Variants in PNPLA7 observed in about 807,000 individuals in gnomAD.
PNPLA7 encodes the protein patatin-like phospholipase domain-containing protein 7.
Under a neutral mutation model 161.7 loss-of-function variants are expected in PNPLA7, and 153 were observed. That is an observed-to-expected ratio of 0.95 (90% CI 0.83 to 1.08). PNPLA7 has a LOEUF of 1.08. Among genes scored for constraint, PNPLA7 ranks in the 50% least tolerant of loss-of-function variants. PNPLA7 has a pLI of 0.00. For synonymous variants in PNPLA7, 809 were observed against 782.1 expected, an observed-to-expected ratio of 1.03 and a Z score of -0.57; for missense variants, 1,739 against 1,856.6, an observed-to-expected ratio of 0.94 and a Z score of 1.16.
intron 17 of PNPLA7, 127 bp from the exon 18 acceptor site, chr9:137,497,437 G>T: frequency 2.1e-6 from 2 of 940,610 alleles, no homozygotes; most frequent in East Asian, 3.3e-5. Context: ...TCTTATTTTT[G>T]TTTTGGAAAA....
chr9:137,525,743 C>A (rs1030830273), intron 8 of PNPLA7, among the ~76,000 whole-genome samples: 1 of 145,976 alleles, frequency 6.9e-6, no homozygotes, highest in Non-Finnish European at 1.5e-5. Context: ...TGGCTGCGGG[C>A]GGGCTTGACT....
intron 11 of PNPLA7, among the ~76,000 whole-genome samples, chr9:137,519,427 C>T (rs1042349487): frequency 6.6e-6 from 1 of 152,186 alleles, no homozygotes; most frequent in African/African-American, 2.4e-5. Context: ...ATTCTGGGAA[C>T]AACTGAAGAA....
At chr9:137,507,243 G>C (rs1833974319) in intron 12 of PNPLA7, among the ~76,000 whole-genome samples, 1 of 152,220 alleles carries the variant, frequency 6.6e-6, no homozygotes, top group Admixed American at 6.5e-5. Flanking sequence ...AGCAATCTAT[G>C]GCAACAAAGG....
In PNPLA7 at chr9:137,476,518, A is replaced by C. The variant is rs1297074598; in HGVS notation, c.2882+1516T>G. 1.3e-5 allele frequency among the ~76,000 whole-genome samples: 2 copies of C among 152,204 alleles called. No homozygotes were observed. The highest frequency in any genetic ancestry group is 4.8e-5 in the African/African-American group (2 of 41,452). On this transcript the variant is annotated intron_variant, in intron 25 of 34. Coordinates refer to ENST00000406427, the MANE Select transcript of PNPLA7 (RefSeq NM_001098537.3). This position sits in a 1 kb window ranked among gnomAD's most constrained non-coding sequence, Gnocchi z 4.5. Reference sequence around the variant, plus strand: ...GTCAACAATCTAAAACTAAAAAAAAAACCAAAAACTTAGTAGAATAGGAAT... The same window carrying C: ...GTCAACAATCTAAAACTAAAAAAAACACCAAAAACTTAGTAGAATAGGAAT...
chr9:137,475,914 A>T (rs1831927487), intron 25 of PNPLA7, among the ~76,000 whole-genome samples: 2 of 152,228 alleles, frequency 1.3e-5, no homozygotes, highest in Admixed American at 1.3e-4. Context: ...CATGGTCTTA[A>T]AATGTTTACT....
intron 8 of PNPLA7, among the ~76,000 whole-genome samples, chr9:137,526,429 C>T (rs1453216678): frequency 6.6e-6 from 1 of 152,238 alleles, no homozygotes; most frequent in Non-Finnish European, 1.5e-5. Flanking sequence ...AGGCGCCCGC[C>T]ACCATGCCAG....
intron 20 of PNPLA7, among the ~76,000 whole-genome samples, chr9:137,489,035 G>A (rs1159010051): frequency 9.4e-6 from 1 of 106,084 alleles, no homozygotes; most frequent in Admixed American, 1.1e-4. Context: ...CCCCAACTGT[G>A]CACCCGCTGA....
At chr9:137,518,345 T>C (rs1186676280) in intron 11 of PNPLA7, among the ~76,000 whole-genome samples, 82 of 50,748 alleles carry the variant, frequency 1.6e-3, no homozygotes, top group Admixed American at 2.1e-3. Flanking sequence ...TCCACTCTGC[T>C]CACTCCATCC....
chr9:137,500,992 C>T lies in PNPLA7; in HGVS notation c.1552-96G>A, dbSNP rs182963858. 172 of 1,152,568 alleles carry T rather than the reference C, an allele frequency of 1.5e-4. No homozygotes were observed. Among genetic ancestry groups the T allele is most frequent in the Admixed American group, 2.3e-4 (10 of 43,172 alleles). The allele number at this position is 1,152,568 out of a possible 1,614,324, so 71.4% of individuals were successfully genotyped here. A position where few individuals can be genotyped will look rare whatever the true frequency, so the allele number is the denominator to read the frequency against. On this transcript the variant is annotated intron_variant, in intron 15 of 34. Coordinates refer to ENST00000406427, the MANE Select transcript of PNPLA7 (RefSeq NM_001098537.3). This position sits in a 1 kb window ranked among gnomAD's most constrained non-coding sequence, Gnocchi z 5.5. ...AGCGGACGATGCCACCAGGCTCAGC[C>T]GGGAGACCATCCGCCGACCTGATCA...
chr9:137,485,201 A>G (rs1395374094), intron 20 of PNPLA7, among the ~76,000 whole-genome samples: 1 of 152,292 alleles, frequency 6.6e-6, no homozygotes, highest in Non-Finnish European at 1.5e-5. Flanking sequence ...GCCCAGGCCC[A>G]GGGAGTGGAT....
chr9:137,498,208 C>T lies in PNPLA7; in HGVS notation c.1795G>A (p.Ala599Thr). 1 of 1,612,642 alleles carries T rather than the reference C, an allele frequency of 6.2e-7. No individual in the cohort carries two copies. The highest frequency in any genetic ancestry group is 1.1e-5 in the South Asian group (1 of 91,090). ...GACATCCTCTTCACCACAGTGTGCG[C>T]CACACCCAGGACGACGGTCGGCTGC... ...RKQPTVVLGV[A>T]HTVVKRMSSF... Residue 599 changes from alanine to threonine, a missense_variant, in exon 17 of 35, where the codon GCG (alanine) becomes ACG (threonine). Coordinates refer to ENST00000406427, the MANE Select transcript of PNPLA7 (RefSeq NM_001098537.3).
At chr9:137,483,347 T>G (rs1484377439) in intron 21 of PNPLA7, among the ~76,000 whole-genome samples, 1 of 152,150 alleles carries the variant, frequency 6.6e-6, no homozygotes, top group Non-Finnish European at 1.5e-5. Flanking sequence ...CGGAAATGAG[T>G]AAGATTTTCT....
rs992879372 is a variant in PNPLA7, at chr9:137,540,401, A to G, written c.747+241T>C. Among the ~76,000 whole-genome samples the G allele has an allele frequency of 6.6e-6, 1 of 152,218 alleles. No individual in the cohort carries two copies. Among genetic ancestry groups the G allele is most frequent in the African/African-American group, 2.4e-5 (1 of 41,454 alleles). On this transcript the variant is annotated intron_variant, in intron 8 of 34. Coordinates refer to ENST00000406427, the MANE Select transcript of PNPLA7 (RefSeq NM_001098537.3). This position sits in a 1 kb window ranked among gnomAD's most constrained non-coding sequence, Gnocchi z 5.1. ...ACATGCATTTATGACCCAGTTCAAC[A>G]ACAGTCATTTAAGAGACAACCAAAA...
In PNPLA7 at chr9:137,521,661, C is replaced by A. The variant is rs148477443; in HGVS notation, c.932G>T (p.Gly311Val). Reference protein sequence around the residue: ...VTFLALHNYLGLTTELFNAES... With the variant: ...VTFLALHNYLVLTTELFNAES... ...AGCGTTGAAGAGCTCTGTGGTCAGGCCGAGGTAGTTGTGCAGAGCCAGAAA... is the reference window on the plus strand; with the variant it reads ...AGCGTTGAAGAGCTCTGTGGTCAGGACGAGGTAGTTGTGCAGAGCCAGAAA... The change falls in exon 10 of 35, where the codon GGC (glycine) becomes GTC (valine). Residue 311 changes from glycine (G) to valine (V), a missense_variant. Transcript: ENST00000406427. 4.2e-4 allele frequency: 682 copies of A among 1,612,672 alleles called. 1 individual carries two copies. The highest frequency in any genetic ancestry group is 5.6e-4 in the Non-Finnish European group (656 of 1,179,874).
rs748196207 is a variant in PNPLA7, at chr9:137,498,221, G to A, written c.1782C>T (p.Val594=). Residue 594 remains valine (V), a synonymous_variant, in exon 17 of 35, where the codon GTC becomes GTT. Transcript: ENST00000406427. ...CCACAGTGTGCGCCACACCCAGGAC[G>A]ACGGTCGGCTGCTTCCGCATGATTC... ...FYEIMRKQPT[V]VLGVAHTVVK... 72 of 1,611,986 alleles carry A rather than the reference G, an allele frequency of 4.5e-5. No individual in the cohort carries two copies. The highest frequency in any genetic ancestry group is 3.3e-4 in the Middle Eastern group (2 of 6,082).
At position 137,505,940 on chromosome 9, in the gene PNPLA7, G is replaced by A. The variant is rs781683232; in HGVS notation, c.1326+43C>T. The A allele has an allele frequency of 5.7e-6, 9 of 1,573,022 alleles. No individual in the cohort carries two copies. In the East Asian group the frequency reaches 2.1e-4, roughly 36 times the overall value. ...AATGCACCAGCAAGCCACGGAGAGG[G>A]TGGGGCCCCAGGCGGAGGGTGAGAA... On this transcript the variant is annotated intron_variant, in intron 13 of 34. Transcript: ENST00000406427.
rs1230791791 is a variant in PNPLA7 at position 137,495,146 on chromosome 9, C to A, written c.2014G>T (p.Val672Leu). 3 of 1,592,990 alleles carry A rather than the reference C, an allele frequency of 1.9e-6. No homozygotes were observed. The African/African-American group carries it at 4.0e-5, about 21-fold the overall frequency. ...EYGRGDLVGV[V>L]ETLTHQARAT... ...CGGGCCTGGTGGGTCAGTGTCTCCA[C>A]CTGAGGACAGGAGCCGGCTGCTGGG... The change falls in exon 19 of 35, where the codon GTG (valine) becomes TTG (leucine). Residue 672 changes from valine to leucine, a missense_variant and splice_region_variant. Coordinates refer to ENST00000406427, the MANE Select transcript of PNPLA7 (RefSeq NM_001098537.3).
Position 137,472,314 on chromosome 9 carries a change from C to T in PNPLA7, c.2883-4841G>A, listed in dbSNP as rs372956970. 3.9e-4 allele frequency among the ~76,000 whole-genome samples: 59 copies of T among 151,928 alleles called. No homozygotes were observed. The South Asian group carries it at 7.5e-3, about 19-fold the overall frequency. Reference sequence around the variant, plus strand: ...AAGAAAATGAGATGGAGGCTGGGTACGGTGGCTCAGCAGGATTACCCAGCA... The same window carrying T: ...AAGAAAATGAGATGGAGGCTGGGTATGGTGGCTCAGCAGGATTACCCAGCA... On this transcript the variant is annotated intron_variant, in intron 25 of 34. Coordinates refer to ENST00000406427, the MANE Select transcript of PNPLA7 (RefSeq NM_001098537.3).
At chr9:137,479,983 A>C in intron 23 of PNPLA7, 1 of 857,832 alleles carries the variant, frequency 1.2e-6, no homozygotes, top group Non-Finnish European at 1.4e-6. Context: ...GGAGAAAAGC[A>C]AACTTCAGAT....
Sources: gnomAD v4.1 joint callset for allele counts (sites outside exome capture counted in the v4.1 genomes callset) on GRCh38, gnomAD v4.1.1 for gene constraint, Gnocchi (gnomAD v3.1) non-coding constraint, MANE v1.5 for transcripts, NCBI Gene and HGNC (gene_info 2026-07-23, HGNC 2026-07-21) for gene names.